The following KHDRBS2 variants were observed in gnomAD, a reference collection of about 807,000 sequenced individuals.
KHDRBS2 encodes the protein KH domain-containing, RNA-binding, signal transduction-associated protein 2.
Under a neutral mutation model 44.3 loss-of-function variants are expected in KHDRBS2, and 26 were observed. The ratio of observed to expected loss-of-function variants is 0.59; its 90% confidence interval spans 0.43 to 0.81. The LOEUF is 0.81. Among genes scored for constraint, KHDRBS2 ranks in the 40% least tolerant of loss-of-function variants. KHDRBS2 has a pLI of 0.00. For synonymous variants in KHDRBS2, 194 were observed against 151.1 expected, an observed-to-expected ratio of 1.28 and a Z score of -2.08; for missense variants, 476 against 433.1, an observed-to-expected ratio of 1.10 and a Z score of -0.88.
intron 1 of KHDRBS2, among the ~76,000 whole-genome samples, chr6:62,194,479 CCTTTTTTTTTTTTTTTTTTTT>C (rs1563039696): frequency 2.3e-5 from 2 of 86,808 alleles, no homozygotes; most frequent in African/African-American, 9.9e-5. Context: ...TTCTTTTCTT[CCTTTTTTTTTTTTTTTTTTTT>C]TTTTTTTTTT....
At chr6:62,033,550 C>G (rs1047642775) in intron 3 of KHDRBS2, among the ~76,000 whole-genome samples, 1 of 151,650 alleles carries the variant, frequency 6.6e-6, no homozygotes, top group Non-Finnish European at 1.5e-5. Flanking sequence ...CCAGAAGAGA[C>G]TAGCTTAACA....
chr6:62,225,199 A>C (rs1831556402), intron 1 of KHDRBS2, among the ~76,000 whole-genome samples: 1 of 152,084 alleles, frequency 6.6e-6, no homozygotes, highest in South Asian at 2.1e-4. Flanking sequence ...GCACTGAGAA[A>C]CTCTGGTCTA....
intron 1 of KHDRBS2, among the ~76,000 whole-genome samples, chr6:62,226,375 T>C (rs1831824437): frequency 6.6e-6 from 1 of 152,210 alleles, no homozygotes; most frequent in Non-Finnish European, 1.5e-5. Flanking sequence ...GCCCAATTTT[T>C]GATGGGGTTG....
At chr6:61,778,425 C>CA (rs1337033743) in intron 6 of KHDRBS2, among the ~76,000 whole-genome samples, 3 of 151,936 alleles carry the variant, frequency 2.0e-5, no homozygotes, top group East Asian at 1.9e-4. Context: ...ATAATTTACC[C>CA]AAAAAACATA....
chr6:61,568,230 T>C, the KHDRBS2 span, among the ~76,000 whole-genome samples: 3 of 152,220 alleles, frequency 2.0e-5, no homozygotes, highest in African/African-American at 7.2e-5. Context: ...CTTTGTTGTT[T>C]TGGGTACTAT....
intron 1 of KHDRBS2, among the ~76,000 whole-genome samples, chr6:62,275,067 A>G (rs1342427067): frequency 2.0e-5 from 3 of 151,544 alleles, no homozygotes; most frequent in Non-Finnish European, 4.4e-5. Flanking sequence ...CATTTTACTC[A>G]AAGGGAAACC....
At chr6:61,579,475 T>C in the KHDRBS2 span, among the ~76,000 whole-genome samples, 1 of 152,194 alleles carries the variant, frequency 6.6e-6, no homozygotes, top group Non-Finnish European at 1.5e-5. Context: ...ATTTACTTTG[T>C]TTTCCACATG....
chr6:61,986,087 T>C (rs1335604680), intron 3 of KHDRBS2, among the ~76,000 whole-genome samples: 1 of 152,212 alleles, frequency 6.6e-6, no homozygotes, highest in Non-Finnish European at 1.5e-5. Flanking sequence ...ATTTATTATC[T>C]GTGATGTTTG....
At chr6:62,045,916 A>C (rs1455460278) in intron 3 of KHDRBS2, among the ~76,000 whole-genome samples, 5 of 150,576 alleles carry the variant, frequency 3.3e-5, no homozygotes, top group Admixed American at 1.3e-4. Context: ...TGAGAAAGTT[A>C]AGACCTTATC....
intron 1 of KHDRBS2, among the ~76,000 whole-genome samples, chr6:62,217,381 T>C (rs1830193718): frequency 6.6e-6 from 1 of 151,908 alleles, no homozygotes; most frequent in South Asian, 2.1e-4. Flanking sequence ...TTGTTCTCAG[T>C]CAAGATTTCT....
intron 1 of KHDRBS2, among the ~76,000 whole-genome samples, chr6:62,180,043 C>A (rs1821934036): frequency 6.6e-6 from 1 of 151,762 alleles, no homozygotes; most frequent in Non-Finnish European, 1.5e-5. Flanking sequence ...AGGACATGAA[C>A]TTATCATTTT....
chr6:61,601,854 T>TGG, the KHDRBS2 span, among the ~76,000 whole-genome samples: 2 of 152,160 alleles, frequency 1.3e-5, no homozygotes, highest in African/African-American at 4.8e-5. Context: ...TACAGTTTCA[T>TGG]TCCGTGACTA....
At chr6:61,617,240 A>ACACC in the KHDRBS2 span, among the ~76,000 whole-genome samples, 1 of 152,210 alleles carries the variant, frequency 6.6e-6, no homozygotes, top group Non-Finnish European at 1.5e-5. Flanking sequence ...TTCTGTCGCT[A>ACACC]TAGGTCTCTA....
chr6:62,078,133 T>C (rs1036410159), intron 2 of KHDRBS2, among the ~76,000 whole-genome samples: 2 of 152,030 alleles, frequency 1.3e-5, no homozygotes, highest in Admixed American at 1.3e-4. Context: ...CTCCACAGTT[T>C]TGCGATTCAC....
rs747659948 is a variant in KHDRBS2, at chr6:61,967,841, A to AATAC, written c.483+10221_483+10224dup. On this transcript the variant is annotated intron_variant, in intron 4 of 8. Coordinates refer to ENST00000281156, the MANE Select transcript of KHDRBS2 (RefSeq NM_152688.4). ...CTCTCTGGCCTTTTCTCTCTCTCTC[A>AATAC]ATACATACATACATACATACACACA... Among the ~76,000 whole-genome samples the AATAC allele has an allele frequency of 5.1e-3, 437 of 85,592 alleles. 3 individuals carry two copies. Among genetic ancestry groups the AATAC allele is most frequent in the Non-Finnish European group, 7.2e-3 (315 of 43,916 alleles). The allele number at this position is 85,592 out of a possible 152,430, so 56.2% of individuals were successfully genotyped here.
At chr6:62,021,467 G>A (rs574351378) in intron 3 of KHDRBS2, among the ~76,000 whole-genome samples, 1 of 151,924 alleles carries the variant, frequency 6.6e-6, no homozygotes. Context: ...GTTGGGTCTT[G>A]TGTGTGTTTT....
chr6:61,808,898 T>TA (rs1257126454), intron 6 of KHDRBS2, among the ~76,000 whole-genome samples: 1 of 151,884 alleles, frequency 6.6e-6, no homozygotes, highest in Non-Finnish European at 1.5e-5. Flanking sequence ...ATAAAAGGAA[T>TA]AAAGGGAAGA....
At chr6:61,625,643 C>T in the KHDRBS2 span, among the ~76,000 whole-genome samples, 1 of 152,040 alleles carries the variant, frequency 6.6e-6, no homozygotes, top group Admixed American at 6.6e-5. Context: ...TTCACCCTAC[C>T]CAAGCTCTCC....
In KHDRBS2 at chr6:61,898,741, G is replaced by A. The variant is rs575877363; in HGVS notation, c.611+2503C>T. On this transcript the variant is annotated intron_variant, in intron 5 of 8. Transcript: ENST00000281156. ...TTCTACTATACTTTCATGCACAAAA[G>A]GGTTCAATCGATAAGAATTTACTTA... is the stretch of plus-strand genomic sequence containing the variant. Among the ~76,000 whole-genome samples the A allele has an allele frequency of 2.2e-4, 33 of 151,948 alleles. No homozygotes were observed. The South Asian group carries it at 5.4e-3, about 25-fold the overall frequency.
Sources: gnomAD v4.1 joint callset for allele counts (sites outside exome capture counted in the v4.1 genomes callset) on GRCh38, gnomAD v4.1.1 for gene constraint, MANE v1.5 for transcripts, NCBI Gene and HGNC (gene_info 2026-07-23, HGNC 2026-07-21) for gene names.